Variants in PKNOX2 observed in about 807,000 individuals in gnomAD.
PKNOX2 encodes PBX/knotted 1 homeobox 2.
In PKNOX2, 14 loss-of-function variants were observed where a neutral mutation model predicts 53.1. The ratio of observed to expected loss-of-function variants is 0.26; its 90% CI spans 0.17 to 0.41. PKNOX2 has a LOEUF of 0.41. Ranked by LOEUF, PKNOX2 falls within the 10% of genes least tolerant of loss-of-function variation. The pLI, the probability that PKNOX2 is intolerant of heterozygous loss-of-function variation, is 1.00. For synonymous variants in PKNOX2, 257 were observed against 242.8 expected (o/e 1.06, Z -0.54); for missense variants, 496 against 602.8 (o/e 0.82, Z 1.85).
At chr11:125,333,241 A>T (rs1950237991) in intron 3 of PKNOX2, among the ~76,000 whole-genome samples, 1 of 152,174 alleles carries the variant, frequency 6.6e-6, no homozygotes, top group Non-Finnish European at 1.5e-5. Flanking sequence ...GCCCAAGTTC[A>T]GTGGCTTTCT....
chr11:125,398,019 G>A lies in PKNOX2; in HGVS notation c.545G>A (p.Gly182Glu), dbSNP rs773933072. Residue 182 changes from glycine (G) to glutamate (E), a missense_variant, in exon 7 of 13, where the codon GGG (glycine) becomes GAG (glutamate). Coordinates refer to ENST00000298282, the MANE Select transcript of PKNOX2 (RefSeq NM_001382323.2). ...AACCTGCTCAGGAATGATCTAGGGG[G>A]GCCCTACTCCCCCAACCAGCCCTCC... ...SDNLLRNDLG[G>E]PYSPNQPSIN... The A allele has an allele frequency of 3.1e-6, 5 of 1,613,728 alleles. No homozygotes were observed. The South Asian group carries it at 5.5e-5, about 18-fold the overall frequency.
At position 125,351,367 on chromosome 11, in the gene PKNOX2, C is replaced by T. The variant is rs756381129; in HGVS notation, c.62C>T (p.Pro21Leu). The T allele has an allele frequency of 1.2e-6, 2 of 1,605,014 alleles. No homozygotes were observed. Among genetic ancestry groups the T allele is most frequent in the Non-Finnish European group, 1.7e-6 (2 of 1,173,564 alleles). ...LTMMATQNVP[P>L]PPYQDSPQMT... ...ATGATGGCCACGCAGAATGTCCCGC[C>T]CCCACCCTACCAGGACAGCCCACAG... The change falls in exon 4 of 13, where the codon CCC becomes CTC. Residue 21 changes from proline to leucine, a missense_variant. Transcript: ENST00000298282.
intron 2 of PKNOX2, among the ~76,000 whole-genome samples, chr11:125,243,709 G>A (rs1393995801): frequency 2.0e-5 from 3 of 150,836 alleles, no homozygotes; most frequent in Non-Finnish European, 2.9e-5. Flanking sequence ...TGCAAGCTCC[G>A]CCTCTTTGGT....
At chr11:125,236,241 G>T (rs1942677673) in intron 2 of PKNOX2, among the ~76,000 whole-genome samples, 1 of 152,214 alleles carries the variant, frequency 6.6e-6, no homozygotes, top group African/African-American at 2.4e-5. Context: ...TTCAGCGCCG[G>T]TCGCCTCTGT....
intron 2 of PKNOX2, among the ~76,000 whole-genome samples, chr11:125,236,658 A>G (rs986357433): frequency 6.6e-6 from 1 of 152,196 alleles, no homozygotes; most frequent in African/African-American, 2.4e-5. Context: ...AGCAGGAAAC[A>G]CAGGTTTCTT....
At chr11:125,411,441 A>T in intron 9 of PKNOX2, 1 of 438,606 alleles carries the variant, frequency 2.3e-6, no homozygotes, top group South Asian at 2.1e-5. Flanking sequence ...TTCTCTCTGC[A>T]TGGCCCTGTT....
chr11:125,214,659 G>A (rs1940268879), intron 1 of PKNOX2, among the ~76,000 whole-genome samples: 1 of 152,100 alleles, frequency 6.6e-6, no homozygotes, highest in Non-Finnish European at 1.5e-5. Context: ...GTTAGCATCT[G>A]CACCATCAAT....
chr11:125,431,093 C>T, intron 12 of PKNOX2, 73 bp from the exon 13 acceptor site: 3 of 1,540,802 alleles, frequency 1.9e-6, no homozygotes, highest in African/African-American at 1.4e-5. Flanking sequence ...GTCCATTAAA[C>T]CCTGTCCAAC....
At chr11:125,421,920 G>A in intron 10 of PKNOX2, among the ~76,000 whole-genome samples, 1 of 152,188 alleles carries the variant, frequency 6.6e-6, no homozygotes, top group East Asian at 1.9e-4. Context: ...GAGGGCTCCT[G>A]CCCTGTGGGA....
At chr11:125,309,822 G>C (rs1454472618) in intron 2 of PKNOX2, among the ~76,000 whole-genome samples, 2 of 152,130 alleles carry the variant, frequency 1.3e-5, no homozygotes, top group African/African-American at 4.8e-5. Context: ...TCAGTGTGTG[G>C]AATGATCAGC....
chr11:125,232,775 A>G (rs1942324252), intron 1 of PKNOX2, among the ~76,000 whole-genome samples: 3 of 152,154 alleles, frequency 2.0e-5, no homozygotes, highest in Non-Finnish European at 1.5e-5. Flanking sequence ...TTTGGCAACA[A>G]TATCATATCC....
At chr11:125,199,769 C>T (rs925611822) in intron 1 of PKNOX2, among the ~76,000 whole-genome samples, 3 of 152,216 alleles carry the variant, frequency 2.0e-5, no homozygotes, top group Non-Finnish European at 2.9e-5. Flanking sequence ...ATCACTTGAA[C>T]CCAGGCGGTG....
intron 2 of PKNOX2, among the ~76,000 whole-genome samples, chr11:125,236,154 T>C (rs1243712974): frequency 6.6e-6 from 1 of 152,230 alleles, no homozygotes; most frequent in Non-Finnish European, 1.5e-5. Context: ...ATGGCCGCCC[T>C]GCGATCGGCT....
chr11:125,342,432 C>G (rs968364966), intron 3 of PKNOX2, among the ~76,000 whole-genome samples: 3 of 152,150 alleles, frequency 2.0e-5, no homozygotes, highest in Admixed American at 6.5e-5. Context: ...CCTCCTCCCC[C>G]CAGCTCCCAG....
At chr11:125,189,411 ATATGTGTGTGTGTGTGTGTGTG>A (rs1277577441) in intron 1 of PKNOX2, among the ~76,000 whole-genome samples, 3 of 52,444 alleles carry the variant, frequency 5.7e-5, no homozygotes, top group East Asian at 7.1e-4. Context: ...GTGTATATAT[ATATGTGTGTGTGTGTGTGTGTG>A]TGTGTGTGTG....
intron 7 of PKNOX2, among the ~76,000 whole-genome samples, chr11:125,409,073 G>A (rs915345575): frequency 5.3e-5 from 8 of 152,262 alleles, no homozygotes; most frequent in Middle Eastern, 3.4e-3. Flanking sequence ...ATGAGGAACC[G>A]TGGCTAGGAG....
intron 2 of PKNOX2, among the ~76,000 whole-genome samples, chr11:125,256,681 A>G (rs996973868): frequency 1.3e-5 from 2 of 151,246 alleles, no homozygotes; most frequent in Admixed American, 1.3e-4. Flanking sequence ...TTGTTCACCA[A>G]CCCCCTGACT....
chr11:125,418,952 A>G (rs1300210362), intron 10 of PKNOX2, among the ~76,000 whole-genome samples: 2 of 152,072 alleles, frequency 1.3e-5, no homozygotes, highest in South Asian at 2.1e-4. Flanking sequence ...TGCAAATACT[A>G]CATCATGTTA....
At chr11:125,199,809 T>C (rs1304229856) in intron 1 of PKNOX2, among the ~76,000 whole-genome samples, 5 of 152,192 alleles carry the variant, frequency 3.3e-5, no homozygotes, top group Non-Finnish European at 5.9e-5. Flanking sequence ...ATTGCACCAC[T>C]TCACTCCAGC....
Sources: allele counts gnomAD v4.1 joint callset (sites outside exome capture counted in the v4.1 genomes callset), GRCh38; gene constraint gnomAD v4.1.1; transcripts MANE v1.5; gene names NCBI Gene and HGNC (gene_info 2026-07-23, HGNC 2026-07-21).